The following RBFOX1 variants were observed in gnomAD, a reference collection of about 807,000 sequenced individuals.
The protein encoded by RBFOX1 is RNA binding protein fox-1 homolog 1.
In RBFOX1, 8 loss-of-function variants were observed where a neutral mutation model predicts 57.7. That is an observed-to-expected ratio of 0.14 (90% confidence interval 0.08 to 0.25). RBFOX1 has a LOEUF of 0.25. Among genes scored for constraint, RBFOX1 ranks in the 10% least tolerant of loss-of-function variants. The pLI, the probability that RBFOX1 is intolerant of heterozygous loss-of-function variation, is 1.00. For synonymous variants in RBFOX1, 326 were observed against 222.4 expected (o/e 1.47, Z -4.15); for missense variants, 611 against 548.5 (o/e 1.11, Z -1.14).
At chr16:7,481,693 C>T (rs961294797) in intron 4 of RBFOX1, among the ~76,000 whole-genome samples, 4 of 152,194 alleles carry the variant, frequency 2.6e-5, no homozygotes, top group African/African-American at 9.7e-5. Context: ...ATGACATGAA[C>T]TACAGATACT....
chr16:7,111,076 A>G (rs2064663296), intron 4 of RBFOX1, among the ~76,000 whole-genome samples: 1 of 152,202 alleles, frequency 6.6e-6, no homozygotes, highest in Non-Finnish European at 1.5e-5. Flanking sequence ...TTGAAAAGCC[A>G]AATAACTGTG....
intron 3 of RBFOX1, among the ~76,000 whole-genome samples, chr16:7,007,901 C>A (rs562018146): frequency 8.3e-4 from 127 of 152,290 alleles, no homozygotes; most frequent in Admixed American, 5.8e-3. Context: ...CATGCTGTCT[C>A]CTCAAGCTTG....
At chr16:6,093,827 C>T (rs768898139) in intron 1 of RBFOX1, among the ~76,000 whole-genome samples, 3 of 151,858 alleles carry the variant, frequency 2.0e-5, no homozygotes, top group African/African-American at 7.3e-5. Context: ...ACTGTGTTGC[C>T]CAGGCTGATC....
At chr16:7,033,667 C>T (rs1206580230) in intron 3 of RBFOX1, among the ~76,000 whole-genome samples, 1 of 152,114 alleles carries the variant, frequency 6.6e-6, no homozygotes, top group Non-Finnish European at 1.5e-5. Context: ...GGAAGGGAGG[C>T]TGGGATGGGG....
intron 4 of RBFOX1, among the ~76,000 whole-genome samples, chr16:7,418,214 C>T (rs561102931): frequency 1.3e-5 from 2 of 152,306 alleles, no homozygotes; most frequent in South Asian, 2.1e-4. Flanking sequence ...AGCCTCCATG[C>T]CCCATACTGG....
intron 1 of RBFOX1, among the ~76,000 whole-genome samples, chr16:5,284,449 C>G (rs2063342479): frequency 6.6e-6 from 1 of 152,066 alleles, no homozygotes; most frequent in East Asian, 1.9e-4. Flanking sequence ...TTTTGCTTCC[C>G]AATGTAGGAC....
intron 1 of RBFOX1, among the ~76,000 whole-genome samples, chr16:6,081,528 C>G (rs1025663752): frequency 6.6e-6 from 1 of 152,164 alleles, no homozygotes; most frequent in Non-Finnish European, 1.5e-5. Context: ...TGGTTTGTTG[C>G]TCTCTGCTGC....
intron 2 of RBFOX1, among the ~76,000 whole-genome samples, chr16:6,543,848 T>A (rs953714803): frequency 1.3e-5 from 2 of 151,880 alleles, no homozygotes; most frequent in African/African-American, 4.8e-5. Flanking sequence ...TACACCTGCA[T>A]GAAAAAAACC....
chr16:7,486,433 G>A (rs1203933772), intron 4 of RBFOX1, among the ~76,000 whole-genome samples: 3 of 151,920 alleles, frequency 2.0e-5, no homozygotes, highest in Admixed American at 6.6e-5. Context: ...CATGGTACCC[G>A]GCCTTGTGTC....
chr16:5,292,866 A>G (rs549644855), intron 1 of RBFOX1, among the ~76,000 whole-genome samples: 2 of 152,114 alleles, frequency 1.3e-5, no homozygotes, highest in East Asian at 3.9e-4. Flanking sequence ...CTCGTGGTCC[A>G]TCCACCTCGG....
chr16:7,246,231 A>G (rs533836648), intron 4 of RBFOX1, among the ~76,000 whole-genome samples: 7 of 152,320 alleles, frequency 4.6e-5, no homozygotes, highest in African/African-American at 1.7e-4. Flanking sequence ...ATTTGGAAGG[A>G]ATCCTTAGCC....
chr16:7,631,552 G>T (rs899033095), intron 11 of RBFOX1, among the ~76,000 whole-genome samples: 5 of 152,162 alleles, frequency 3.3e-5, no homozygotes, highest in African/African-American at 9.7e-5. Context: ...TTTATACAAT[G>T]TGTGTAAATC....
chr16:5,477,747 G>T (rs372938767), intron 2 of RBFOX1, among the ~76,000 whole-genome samples: 4 of 152,220 alleles, frequency 2.6e-5, no homozygotes, highest in African/African-American at 9.6e-5. Flanking sequence ...TCTGTTATGG[G>T]TGCTTTATAG....
intron 3 of RBFOX1, among the ~76,000 whole-genome samples, chr16:5,772,854 G>C (rs1227302682): frequency 3.3e-5 from 5 of 152,156 alleles, no homozygotes; most frequent in African/African-American, 9.7e-5. Context: ...GTCAGTTACA[G>C]TTTTAAATAA....
At position 7,653,890 on chromosome 16, in the gene RBFOX1, C is replaced by A; in HGVS notation, c.833C>A (p.Thr278Asn). 1 of 1,600,718 alleles carries A rather than the reference C, an allele frequency of 6.2e-7. No individual in the cohort carries two copies. The highest frequency in any genetic ancestry group is 1.1e-5 in the South Asian group (1 of 90,862). The change falls in exon 12 of 16, where the codon ACC becomes AAC. Residue 278 changes from threonine to asparagine, a missense_variant. Physicochemically the swap from Thr to Asn is moderately conservative, Grantham distance 65 (BLOSUM62 0). Around this residue, in one of 3 missense-constraint regions of RBFOX1, gnomAD observed 267 missense variants for 229.1 expected, o/e 1.17. Transcript: ENST00000550418. ...GCGCACCTGCGAGGCCGCGGTCGCA[C>A]CGTGTACAACACCTTCAGGGCCGCG... The part of the protein sequence containing the change: ...RGAHLRGRGR[T>N]VYNTFRAAAP...
intron 4 of RBFOX1, among the ~76,000 whole-genome samples, chr16:7,240,927 G>T (rs766733035): frequency 6.6e-6 from 1 of 152,144 alleles, no homozygotes; most frequent in Non-Finnish European, 1.5e-5. Context: ...ATCTTAAACA[G>T]CAGCACAAAA....
At chr16:7,610,545 C>T (rs772181468) in intron 10 of RBFOX1, among the ~76,000 whole-genome samples, 1 of 152,128 alleles carries the variant, frequency 6.6e-6, no homozygotes, top group Non-Finnish European at 1.5e-5. Flanking sequence ...TGTTACATGA[C>T]AAATCTGAGT....
At chr16:5,766,142 A>G (rs146295405) in intron 3 of RBFOX1, among the ~76,000 whole-genome samples, 2 of 152,350 alleles carry the variant, frequency 1.3e-5, no homozygotes, top group Non-Finnish European at 1.5e-5. Context: ...GAATGCCATC[A>G]TAGATATTCA....
intron 1 of RBFOX1, among the ~76,000 whole-genome samples, chr16:6,194,337 C>G (rs2097166208): frequency 6.6e-6 from 1 of 152,138 alleles, no homozygotes; most frequent in African/African-American, 2.4e-5. Context: ...CATTTCTTCT[C>G]TTTCCCCTTC....
Sources: gnomAD v4.1 joint callset for allele counts (sites outside exome capture counted in the v4.1 genomes callset) on GRCh38, gnomAD v4.1.1 for gene constraint, gnomAD v4.1.1 regional missense constraint, MANE v1.5 for transcripts, NCBI Gene and HGNC (gene_info 2026-07-23, HGNC 2026-07-21) for gene names.